Variants in RAB30 observed in about 807,000 individuals in gnomAD.
RAB30 encodes RAB30, member RAS oncogene family.
Under a neutral mutation model 25.1 loss-of-function variants are expected in RAB30, and 9 were observed. The ratio of observed to expected loss-of-function variants is 0.36; its 90% CI spans 0.22 to 0.63. The LOEUF (loss-of-function observed/expected upper bound fraction) is 0.63, where lower values mean the gene tolerates loss of function less well. RAB30 is among the 20% of genes least tolerant of loss of function. The probability of loss-of-function intolerance (pLI) is 0.69; values close to 1 mark genes in which losing one functional copy is unlikely to be tolerated. For synonymous variants in RAB30, 77 were observed against 86.4 expected (o/e 0.89, Z 0.60); for missense variants, 140 against 243.5 (o/e 0.58, Z 2.83).
chr11:83,046,325 C>G (rs967185265), intron 1 of RAB30, among the ~76,000 whole-genome samples: 1 of 152,032 alleles, frequency 6.6e-6, no homozygotes, highest in Non-Finnish European at 1.5e-5. Context: ...CTCTAGGGAT[C>G]CTTTTCTAAG....
chr11:83,058,953 A>G (rs546368879), intron 1 of RAB30, among the ~76,000 whole-genome samples: 3 of 152,222 alleles, frequency 2.0e-5, no homozygotes, highest in Admixed American at 6.5e-5. Flanking sequence ...GCCTTCTCTA[A>G]TGTCTTTTTG....
intron 1 of RAB30, among the ~76,000 whole-genome samples, chr11:83,064,663 A>C (rs1053235585): frequency 6.6e-6 from 1 of 152,214 alleles, no homozygotes. Flanking sequence ...AATGACCAGG[A>C]AAATCACTAC....
At chr11:83,056,544 T>C (rs1858462866) in intron 1 of RAB30, among the ~76,000 whole-genome samples, 1 of 152,210 alleles carries the variant, frequency 6.6e-6, no homozygotes, top group Non-Finnish European at 1.5e-5. Flanking sequence ...GTGCCTGACA[T>C]GTGATGGGCT....
intron 1 of RAB30, among the ~76,000 whole-genome samples, chr11:83,009,375 G>A (rs959269857): frequency 6.6e-6 from 1 of 152,102 alleles, no homozygotes. Context: ...CAAAAACGGG[G>A]AAATTTTTAA....
intron 1 of RAB30, among the ~76,000 whole-genome samples, chr11:83,036,844 G>A (rs945267726): frequency 6.6e-5 from 10 of 152,166 alleles, no homozygotes; most frequent in Non-Finnish European, 1.0e-4. Context: ...AAGGCTTGGC[G>A]TGTCCAAGGA....
chr11:83,071,804 C>G lies in RAB30; in HGVS notation c.-122G>C, dbSNP rs375769526. Reference sequence around the variant, plus strand: ...CTGAGTCCAAGGGCTGGAGTCAGTCCCTGCCCTGGTGCTGCTGCTACACTT... The same window carrying G: ...CTGAGTCCAAGGGCTGGAGTCAGTCGCTGCCCTGGTGCTGCTGCTACACTT... On this transcript the variant is annotated 5_prime_UTR_variant, in exon 1 of 5. Transcript: ENST00000527633. 2 of 330,314 alleles carry G rather than the reference C, an allele frequency of 6.1e-6. No homozygotes were observed. Among genetic ancestry groups the G allele is most frequent in the African/African-American group, 2.1e-5 (1 of 46,984 alleles). 20.5% of individuals were successfully genotyped at this position (330,314 alleles called of 1,614,324 possible).
At chr11:82,989,930 A>G (rs1856817399) in intron 3 of RAB30, among the ~76,000 whole-genome samples, 1 of 152,274 alleles carries the variant, frequency 6.6e-6, no homozygotes, top group Admixed American at 6.5e-5. Flanking sequence ...TATAAAGATG[A>G]ATAAAACACA....
rs532160794 is a variant in RAB30, at chr11:82,978,312, A to G, written c.*3853T>C. ...CTAAGTACTCATTACTATGAAATAC[A>G]GAGTTCTACAAGATTAAGAAATAAA... On this transcript the variant is annotated 3_prime_UTR_variant, in exon 5 of 5. Transcript: ENST00000527633. 61 of 152,238 alleles carry G rather than the reference A, an allele frequency of 4.0e-4. No homozygotes were observed. The highest frequency in any genetic ancestry group is 7.8e-4 in the Non-Finnish European group (53 of 67,964). The allele number at this position is 152,238 out of a possible 1,614,324, so 9.4% of individuals were successfully genotyped here.
At position 82,976,743 on chromosome 11, in the gene RAB30, AAAG is replaced by A. The variant is rs1856552386; in HGVS notation, c.*5419_*5421del. 6.6e-6 allele frequency: 1 copy of A among 152,162 alleles called. No individual in the cohort carries two copies. The highest frequency in any genetic ancestry group is 1.5e-5 in the Non-Finnish European group (1 of 68,016). The allele number at this position is 152,162 out of a possible 1,614,324, so 9.4% of individuals were successfully genotyped here. A position where few individuals can be genotyped will look rare whatever the true frequency, so the allele number is the denominator to read the frequency against. On this transcript the variant is annotated 3_prime_UTR_variant, in exon 5 of 5. Transcript: ENST00000527633. The stretch of plus-strand genomic sequence containing the variant: ...AAAAAAACAAAACAAAACCATAAAA[AAAG>A]ACCAATGAAGAGCCGTCTATCAGCC...
intron 1 of RAB30, among the ~76,000 whole-genome samples, chr11:83,037,585 T>C (rs1858013763): frequency 6.6e-6 from 1 of 152,022 alleles, no homozygotes; most frequent in Admixed American, 6.6e-5. Context: ...AAATACTTGC[T>C]GATGAATGGT....
chr11:83,050,330 C>T (rs959019583), intron 1 of RAB30, among the ~76,000 whole-genome samples: 2 of 152,050 alleles, frequency 1.3e-5, no homozygotes, highest in Non-Finnish European at 2.9e-5. Context: ...TGTCTCTCAA[C>T]ACCCCGCTCC....
At chr11:83,061,213 CCTCT>C (rs151314585) in intron 1 of RAB30, among the ~76,000 whole-genome samples, 34 of 149,502 alleles carry the variant, frequency 2.3e-4, no homozygotes, top group African/African-American at 6.6e-4. Context: ...TCTCTTCCCA[CCTCT>C]CTCTCTCTCT....
chr11:83,054,125 G>A (rs984563490), intron 1 of RAB30, among the ~76,000 whole-genome samples: 1 of 152,060 alleles, frequency 6.6e-6, no homozygotes, highest in Non-Finnish European at 1.5e-5. Flanking sequence ...TATGACCATA[G>A]GGACAACAGG....
At chr11:83,039,658 A>C (rs374553385) in intron 1 of RAB30, among the ~76,000 whole-genome samples, 4 of 152,116 alleles carry the variant, frequency 2.6e-5, no homozygotes, top group East Asian at 1.9e-4. Context: ...CAGCCTGGGG[A>C]AGTCAAAATT....
intron 1 of RAB30, chr11:83,071,332 C>T (rs1327087979): frequency 6.6e-6 from 1 of 152,318 alleles, no homozygotes; most frequent in Non-Finnish European, 1.5e-5. Context: ...CCACTCAAAC[C>T]TCAGCTCTCG....
intron 1 of RAB30, among the ~76,000 whole-genome samples, chr11:83,050,120 G>T (rs765114139): frequency 1.3e-5 from 2 of 152,010 alleles, no homozygotes; most frequent in Non-Finnish European, 2.9e-5. Flanking sequence ...AAAATTAGCT[G>T]GGCATGGTGG....
At chr11:83,024,119 C>T (rs538389901) in intron 1 of RAB30, among the ~76,000 whole-genome samples, 26 of 152,292 alleles carry the variant, frequency 1.7e-4, no homozygotes, top group Admixed American at 6.5e-4. Context: ...TTTCTGATGC[C>T]CCATTTTCTC....
At chr11:82,999,367 C>A (rs765183229) in intron 1 of RAB30, among the ~76,000 whole-genome samples, 1 of 152,198 alleles carries the variant, frequency 6.6e-6, no homozygotes, top group Non-Finnish European at 1.5e-5. Flanking sequence ...CCTGGCTGCA[C>A]TGACCTTCTA....
intron 1 of RAB30, among the ~76,000 whole-genome samples, chr11:83,024,469 A>G (rs1295378124): frequency 6.6e-6 from 1 of 152,202 alleles, no homozygotes; most frequent in Non-Finnish European, 1.5e-5. Context: ...ACATTTCTTG[A>G]GCAGTTTTAT....
Sources: gnomAD v4.1 joint callset for allele counts (sites outside exome capture counted in the v4.1 genomes callset) on GRCh38, gnomAD v4.1.1 for gene constraint, MANE v1.5 for transcripts, NCBI Gene and HGNC (gene_info 2026-07-23, HGNC 2026-07-21) for gene names.